The following ZFHX3 variants were observed in gnomAD, a reference collection of about 807,000 sequenced individuals.
The protein encoded by ZFHX3 is zinc finger homeobox 3.
A neutral mutation model predicts 279.1 loss-of-function variants in ZFHX3; 42 were observed. That is an observed-to-expected ratio of 0.15 (90% CI 0.12 to 0.19). The LOEUF (loss-of-function observed/expected upper bound fraction) is 0.19. Among genes scored for constraint, ZFHX3 ranks in the 10% least tolerant of loss-of-function variants. ZFHX3 has a pLI of 1.00. For synonymous variants in ZFHX3, 2,293 were observed against 1,957.8 expected (o/e 1.17, Z -4.52); for missense variants, 4,981 against 4,754.0 (o/e 1.05, Z -1.40).
At chr16:73,601,971 A>T (rs995110921) in intron 2 of ZFHX3, among the ~76,000 whole-genome samples, 10 of 152,124 alleles carry the variant, frequency 6.6e-5, no homozygotes, top group Admixed American at 2.6e-4. Context: ...TTTTGTTTCC[A>T]ATAAAGAAAA....
chr16:72,976,683 G>T (rs746195601), intron 1 of ZFHX3, among the ~76,000 whole-genome samples: 1 of 152,300 alleles, frequency 6.6e-6, no homozygotes, highest in East Asian at 1.9e-4. Context: ...GTTACTGCTC[G>T]CCTCATTCCA....
chr16:73,491,544 C>T (rs2019056329), intron 2 of ZFHX3, among the ~76,000 whole-genome samples: 1 of 152,218 alleles, frequency 6.6e-6, no homozygotes, highest in African/African-American at 2.4e-5. Context: ...ATCCTCACTA[C>T]TTCATAACAG....
chr16:73,627,537 A>G (rs2052428986), intron 2 of ZFHX3, among the ~76,000 whole-genome samples: 2 of 152,222 alleles, frequency 1.3e-5, no homozygotes, highest in Non-Finnish European at 2.9e-5. Context: ...TGAATGAAGG[A>G]TGTTGAGAAA....
At chr16:73,402,389 T>C (rs2017273932) in intron 3 of ZFHX3, 1 of 152,206 alleles carries the variant, frequency 6.6e-6, no homozygotes, top group African/African-American at 2.4e-5. Flanking sequence ...GTTGCTAATA[T>C]CCAATTCCCC....
At chr16:72,812,178 G>A (rs2036475210) in intron 5 of ZFHX3, 140 bp from the exon 6 acceptor site, 1 of 1,222,596 alleles carries the variant, frequency 8.2e-7, no homozygotes. Context: ...TGAACATCCG[G>A]ACTGATTTAT....
At chr16:72,826,417 A>C (rs1406953876) in intron 5 of ZFHX3, among the ~76,000 whole-genome samples, 1 of 152,246 alleles carries the variant, frequency 6.6e-6, no homozygotes, top group Non-Finnish European at 1.5e-5. Flanking sequence ...CTATTTATTT[A>C]CTTGCCAGGA....
chr16:73,254,543 C>T (rs62052454), intron 5 of ZFHX3, among the ~76,000 whole-genome samples: 40,092 of 151,656 alleles, frequency 0.26, 5,811 homozygotes, highest in Middle Eastern at 0.46. Context: ...GATAGATTCA[C>T]AGGAAGTTGC....
intron 2 of ZFHX3, among the ~76,000 whole-genome samples, chr16:73,662,310 G>A (rs998111798): frequency 6.6e-6 from 1 of 152,060 alleles, no homozygotes; most frequent in African/African-American, 2.4e-5. Context: ...TTACATCTGT[G>A]ACATGAGATT....
In ZFHX3 at chr16:72,795,341, T is replaced by A; in HGVS notation, c.7341A>T (p.Gln2447His). ...GCTGCAGCTCTGGCTTTGGTTGTCC[T>A]TGCTTTTCTTGGGTTTGGTTTGGCT... ...SAQPNQTQEKQGQPKPELQQQ... is the reference protein window; with the variant it reads ...SAQPNQTQEKHGQPKPELQQQ... The change falls in exon 9 of 10, where the codon CAA becomes CAT. Residue 2447 changes from glutamine (Q) to histidine (H), a missense_variant. This residue lies in a region of ZFHX3 where 744 missense variants were observed against 701.3 expected (regional missense o/e 1.06). Coordinates refer to ENST00000268489, the MANE Select transcript of ZFHX3 (RefSeq NM_006885.4). 1.2e-6 allele frequency: 2 copies of A among 1,614,094 alleles called. No homozygotes were observed. The highest frequency in any genetic ancestry group is 1.7e-6 in the Non-Finnish European group (2 of 1,180,022).
At chr16:73,866,959 G>T (rs1288087833) in intron 1 of ZFHX3, among the ~76,000 whole-genome samples, 2 of 152,126 alleles carry the variant, frequency 1.3e-5, no homozygotes, top group African/African-American at 4.8e-5. Flanking sequence ...GTCCCTTCTT[G>T]CTTTGGGATT....
At chr16:73,123,353 AG>A (rs1966523479) in intron 7 of ZFHX3, 1 of 147,598 alleles carries the variant, frequency 6.8e-6, no homozygotes. Context: ...ACTTGCACAG[AG>A]GGGTTTGCTC....
chr16:73,162,502 AAATGT>A (rs1349389028), intron 5 of ZFHX3, among the ~76,000 whole-genome samples: 2 of 152,238 alleles, frequency 1.3e-5, no homozygotes, highest in Admixed American at 6.5e-5. Context: ...AGCACACAAT[AAATGT>A]AATGTAATGC....
At position 73,478,168 on chromosome 16, in the gene ZFHX3, A is replaced by T. The variant is rs1284464700; in HGVS notation, c.-1546-21910T>A. 2.0e-5 allele frequency among the ~76,000 whole-genome samples: 3 copies of T among 149,598 alleles called. No individual in the cohort carries two copies. In the East Asian group the frequency reaches 6.0e-4, roughly 30 times the overall value. On this transcript the variant is annotated intron_variant, in intron 2 of 17. Transcript: ENST00000641206. ...GCAGTCCCAGCTACTCGGGAGGCTG[A>T]GGCAGGAGAATGGCTTGAATCCAGG...
At chr16:73,167,913 T>C (rs1967411237) in intron 5 of ZFHX3, among the ~76,000 whole-genome samples, 1 of 151,208 alleles carries the variant, frequency 6.6e-6, no homozygotes. Context: ...TTTCCAACCC[T>C]AAAACGACTC....
intron 7 of ZFHX3, among the ~76,000 whole-genome samples, chr16:73,113,792 A>ATTT (rs372212690): frequency 1.8e-5 from 1 of 54,714 alleles, no homozygotes; most frequent in Non-Finnish European, 3.8e-5. Context: ...TTTTTTGGAA[A>ATTT]CTTTTTTTTT....
At chr16:73,674,139 C>T (rs1196166661) in intron 2 of ZFHX3, among the ~76,000 whole-genome samples, 2 of 152,158 alleles carry the variant, frequency 1.3e-5, no homozygotes, top group South Asian at 4.1e-4. Context: ...AGTATGAAAG[C>T]AGTGCTTTGC....
intron 3 of ZFHX3, among the ~76,000 whole-genome samples, chr16:73,371,681 C>A (rs2016633933): frequency 6.6e-6 from 1 of 152,174 alleles, no homozygotes; most frequent in Admixed American, 6.5e-5. Context: ...TTCTGTGGAA[C>A]AGGAGCTTTC....
intron 2 of ZFHX3, among the ~76,000 whole-genome samples, chr16:73,495,834 C>A (rs1289688996): frequency 6.6e-6 from 1 of 152,192 alleles, no homozygotes; most frequent in Non-Finnish European, 1.5e-5. Flanking sequence ...CTCATCAATG[C>A]ACATTTCTGA....
rs575369574 is a variant in ZFHX3 at position 73,118,930 on chromosome 16, G to T, written c.-897+12038C>A. Among the ~76,000 whole-genome samples, 12 of 152,212 alleles carry T rather than the reference G, an allele frequency of 7.9e-5. No homozygotes were observed. The East Asian group carries it at 2.1e-3, about 27-fold the overall frequency. On this transcript the variant is annotated intron_variant, in intron 7 of 17. Coordinates refer to the ZFHX3 transcript ENST00000641206. ...CATCCCCATGCAGCCCATGGACTTT[G>T]TAGCTTATTCCAGCTGAGAGCCCTG... is the stretch of plus-strand genomic sequence containing the variant.
Sources: gnomAD v4.1 joint callset for allele counts (sites outside exome capture counted in the v4.1 genomes callset) on GRCh38, gnomAD v4.1.1 for gene constraint, gnomAD v4.1.1 regional missense constraint, MANE v1.5 for transcripts, NCBI Gene and HGNC (gene_info 2026-07-23, HGNC 2026-07-21) for gene names.